Variants in CNTNAP3 observed in about 807,000 individuals in gnomAD.
CNTNAP3 encodes contactin associated protein family member 3, also known as contactin-associated protein-like 3.
Under a neutral mutation model 92.1 loss-of-function variants are expected in CNTNAP3, and 36 were observed. The observed-to-expected ratio is 0.39, with a 90% CI of 0.30 to 0.52. CNTNAP3 has a LOEUF of 0.52. Among genes scored for constraint, CNTNAP3 ranks in the 20% least tolerant of loss-of-function variants. The pLI is 0.76. For missense variants in CNTNAP3, 534 were observed against 1,069.6 expected, an observed-to-expected ratio of 0.50 and a Z score of 6.98; for synonymous variants, 232 against 422.3, an observed-to-expected ratio of 0.55 and a Z score of 5.53.
At chr9:39,116,954 C>T (rs2117955866) in intron 14 of CNTNAP3, among the ~76,000 whole-genome samples, 1 of 151,994 alleles carries the variant, frequency 6.6e-6, no homozygotes, top group East Asian at 1.9e-4. Flanking sequence ...ATTATACTGA[C>T]ACCTGGATTG....
At chr9:39,140,401 T>C in intron 12 of CNTNAP3, 118 bp downstream of exon 12, 1 of 1,427,428 alleles carries the variant, frequency 7.0e-7, no homozygotes, top group Non-Finnish European at 9.3e-7. Context: ...AAATATATAT[T>C]TAATGCTTCT....
chr9:39,137,329 T>C (rs1821463471), intron 12 of CNTNAP3, among the ~76,000 whole-genome samples: 2 of 152,020 alleles, frequency 1.3e-5, no homozygotes, highest in Non-Finnish European at 2.9e-5. Context: ...TTATGCTGTT[T>C]TTGATCTCTA....
intron 16 of CNTNAP3, among the ~76,000 whole-genome samples, chr9:39,102,950 A>G (rs2117864285): frequency 6.6e-6 from 1 of 152,148 alleles, no homozygotes; most frequent in East Asian, 1.9e-4. Flanking sequence ...TTAAGTCCTA[A>G]ATAGTAGAGA....
chr9:39,285,520 CT>C lies in CNTNAP3; in HGVS notation c.85+2459del, dbSNP rs1280946570. Among the ~76,000 whole-genome samples, 33 of 51,222 alleles carry C rather than the reference CT, an allele frequency of 6.4e-4. 4 individuals are homozygous for C. Among genetic ancestry groups the C allele is most frequent in the South Asian group, 7.1e-4 (1 of 1,408 alleles). The allele number at this position is 51,222 out of a possible 152,430, so 33.6% of individuals were successfully genotyped here. ...CCCAAAATGCCAAATGTTTAGAAAG[CT>C]TTTTTTTTTTGAGACAGAGTTTTGT... On this transcript the variant is annotated intron_variant, in intron 1 of 23. Transcript: ENST00000297668.
At chr9:39,105,657 A>T (rs1334047702) in intron 15 of CNTNAP3, among the ~76,000 whole-genome samples, 1 of 152,096 alleles carries the variant, frequency 6.6e-6, no homozygotes, top group Admixed American at 6.6e-5. Context: ...TTGTCATAAC[A>T]AAATGATCCA....
chr9:39,077,348 G>A (rs1238838184), intron 23 of CNTNAP3, among the ~76,000 whole-genome samples: 4 of 151,832 alleles, frequency 2.6e-5, no homozygotes, highest in African/African-American at 9.7e-5. Context: ...CACGAGGTCA[G>A]GAGATCGAGA....
At chr9:39,125,011 T>A (rs1821123375) in intron 13 of CNTNAP3, among the ~76,000 whole-genome samples, 1 of 152,132 alleles carries the variant, frequency 6.6e-6, no homozygotes, top group African/African-American at 2.4e-5. Context: ...TTACTAGGTA[T>A]ATACCCAAAG....
At position 39,067,689 on chromosome 9, in the gene CNTNAP3, C is replaced by A. The variant is rs1825539878; in HGVS notation, c.*6201G>T. Among the ~76,000 whole-genome samples, 1 of 152,296 alleles carries A rather than the reference C, an allele frequency of 6.6e-6. No homozygotes were observed. The highest frequency in any genetic ancestry group is 1.5e-5 in the Non-Finnish European group (1 of 68,044). ...GGGATTACAGGCATGAGCCACTGTG[C>A]CCGGCCTGGTGTTGGATAGTTTTAT... On this transcript the variant is annotated 3_prime_UTR_variant, in exon 24 of 24. Transcript: ENST00000297668.
In CNTNAP3 at chr9:39,068,610, G is replaced by A. The variant is rs1483367787; in HGVS notation, c.*5280C>T. 8.5e-5 allele frequency among the ~76,000 whole-genome samples: 13 copies of A among 152,274 alleles called. No homozygotes were observed. Among genetic ancestry groups the A allele is most frequent in the African/African-American group, 3.1e-4 (13 of 41,452 alleles). On this transcript the variant is annotated 3_prime_UTR_variant, in exon 24 of 24. Transcript: ENST00000297668. ...CATGCACTTTGTTACACACTGAAGG[G>A]CGACCCTCTCCAGATTTGCAAAGTT...
intron 18 of CNTNAP3, among the ~76,000 whole-genome samples, chr9:39,093,093 C>G (rs1826245763): frequency 7.3e-6 from 1 of 136,516 alleles, no homozygotes; most frequent in Non-Finnish European, 1.6e-5. Context: ...AACTAAATTA[C>G]CCCTTTCAAT....
intron 21 of CNTNAP3, among the ~76,000 whole-genome samples, chr9:39,084,214 T>TTTTTTTTTA (rs1826015657): frequency 6.9e-6 from 1 of 144,376 alleles, no homozygotes; most frequent in African/African-American, 2.5e-5. Context: ...TTTTTTTTTT[T>TTTTTTTTTA]TTGAGACAGA....
intron 21 of CNTNAP3, among the ~76,000 whole-genome samples, chr9:39,083,795 G>A (rs1826003701): frequency 6.6e-6 from 1 of 151,742 alleles, no homozygotes. Flanking sequence ...TTAGGTGTCT[G>A]CATTCTTTAA....
rs1825477417 is a variant in CNTNAP3, at chr9:39,064,838, G to A, written c.*9052C>T. ...GTATTTGTATAAAAAATAAATAAAGGTGATAATCTCTTGTGATTTCCCCAA... is the reference window on the plus strand; with the variant it reads ...GTATTTGTATAAAAAATAAATAAAGATGATAATCTCTTGTGATTTCCCCAA... On this transcript the variant is annotated 3_prime_UTR_variant, in exon 24 of 24. Coordinates refer to ENST00000297668, the MANE Select transcript of CNTNAP3 (RefSeq NM_033655.5). 6.6e-6 allele frequency among the ~76,000 whole-genome samples: 1 copy of A among 152,304 alleles called. No individual in the cohort carries two copies. Among genetic ancestry groups the A allele is most frequent in the Admixed American group, 6.5e-5 (1 of 15,294 alleles).
chr9:39,092,296 A>G (rs1826223805), intron 18 of CNTNAP3, among the ~76,000 whole-genome samples: 1 of 143,948 alleles, frequency 6.9e-6, no homozygotes, highest in Non-Finnish European at 1.5e-5. Context: ...CATTAGATTT[A>G]GTTTGCTCTT....
At chr9:39,110,170 C>A (rs1033186570) in intron 14 of CNTNAP3, among the ~76,000 whole-genome samples, 1 of 152,104 alleles carries the variant, frequency 6.6e-6, no homozygotes, top group African/African-American at 2.4e-5. Flanking sequence ...CTGGGGTGGG[C>A]AGATTGCTTG....
At chr9:39,099,705 A>C (rs1472174033) in intron 18 of CNTNAP3, 1 of 755,000 alleles carries the variant, frequency 1.3e-6, no homozygotes, top group African/African-American at 1.8e-5. Flanking sequence ...CTTCTAAATA[A>C]GAAACCCAGA....
intron 9 of CNTNAP3, chr9:39,159,430 A>T (rs1822031233): frequency 1.5e-5 from 2 of 132,456 alleles, no homozygotes; most frequent in African/African-American, 5.7e-5. Context: ...TCCAGTGATT[A>T]TCCTGCCTCA....
chr9:39,155,530 C>A (rs1758303), intron 9 of CNTNAP3: 4 of 150,338 alleles, frequency 2.7e-5, no homozygotes, highest in Non-Finnish European at 4.5e-5. Flanking sequence ...CTTAAATGAC[C>A]AGCAGGCTGA....
At chr9:39,180,365 TA>T (rs1352735941) in intron 4 of CNTNAP3, among the ~76,000 whole-genome samples, 2 of 49,856 alleles carry the variant, frequency 4.0e-5, no homozygotes, top group East Asian at 8.7e-4. Flanking sequence ...CTATGTTTAC[TA>T]TTACTCTCCA....
Sources: gnomAD v4.1 joint callset for allele counts (sites outside exome capture counted in the v4.1 genomes callset) on GRCh38, gnomAD v4.1.1 for gene constraint, MANE v1.5 for transcripts, NCBI Gene and HGNC (gene_info 2026-07-23, HGNC 2026-07-21) for gene names.